The following KRT80 variants were observed in gnomAD, a reference collection of about 807,000 sequenced individuals.
KRT80 encodes keratin 80.
KRT80 carries 36 observed loss-of-function variants against 51.5 expected under a neutral mutation model. The ratio of observed to expected loss-of-function variants is 0.70; its 90% confidence interval spans 0.54 to 0.92. The LOEUF (loss-of-function observed/expected upper bound fraction) is 0.92. Among genes scored for constraint, KRT80 ranks in the 40% least tolerant of loss-of-function variants. The probability of loss-of-function intolerance (pLI) is 0.00; values close to 1 mark genes in which losing one functional copy is unlikely to be tolerated. For missense variants in KRT80, 566 were observed against 591.7 expected (o/e 0.96, Z 0.45); for synonymous variants, 235 against 248.3 (o/e 0.95, Z 0.50).
rs1205591937 is a variant in KRT80, at chr12:52,172,221, C to A, written c.1155G>T (p.Lys385Asn). 6.2e-7 allele frequency: 1 copy of A among 1,613,778 alleles called. No homozygotes were observed. Among genetic ancestry groups the A allele is most frequent in the Non-Finnish European group, 8.5e-7 (1 of 1,180,038 alleles). ...ALDIEIATYRKLVEGEEGRMD... is the reference protein window; with the variant it reads ...ALDIEIATYRNLVEGEEGRMD... ...ACCTGCCCTCCTCGCCCTCCACCAG[C>A]TTCCTGTAGGTGGCGATCTCGATGT... is the stretch of plus-strand genomic sequence containing the variant. The change falls in exon 7 of 9, where the codon AAG (lysine) becomes AAT (asparagine). Residue 385 changes from lysine (K) to asparagine (N), a missense_variant. Transcript: ENST00000394815.
rs562224594 is a variant in KRT80, at chr12:52,184,071, G to A, written c.509+1308C>T. Among the ~76,000 whole-genome samples the A allele has an allele frequency of 2.2e-3, 328 of 152,346 alleles. 1 individual carries two copies. The highest frequency in any genetic ancestry group is 7.2e-3 in the African/African-American group (299 of 41,588). The stretch of plus-strand genomic sequence containing the variant: ...GCCTGGGAGGGCAGGGCTGGGGAGA[G>A]GCGATGGGTAAACTCAGCTACAGCC... On this transcript the variant is annotated intron_variant, in intron 2 of 8. Transcript: ENST00000394815.
At position 52,171,096 on chromosome 12, in the gene KRT80, G is replaced by A. The variant is rs1941088130; in HGVS notation, c.*302C>T. 1 of 237,338 alleles carries A rather than the reference G, an allele frequency of 4.2e-6. No individual in the cohort carries two copies. The highest frequency in any genetic ancestry group is 8.2e-6 in the Non-Finnish European group (1 of 122,476). 14.7% of individuals were successfully genotyped at this position (237,338 alleles called of 1,614,324 possible). On this transcript the variant is annotated 3_prime_UTR_variant, in exon 9 of 9. Coordinates refer to ENST00000394815, the MANE Select transcript of KRT80 (RefSeq NM_182507.3). ...TGGAGGAGGAGCCTCAGAGGAGCGA[G>A]GAGGTGGAGACAAAACTGACCCCTA... is the stretch of plus-strand genomic sequence containing the variant.
rs1461766803 is a variant in KRT80 at position 52,191,505 on chromosome 12, G to A, written c.300+98C>T. On this transcript the variant is annotated intron_variant, in intron 1 of 8. Transcript: ENST00000394815. ...CATCTCCCCATTGGCTGGGTGCAGG[G>A]GTGGGGCGCGGTGATCGATGCTCAG... 15 of 1,214,772 alleles carry A rather than the reference G, an allele frequency of 1.2e-5. No individual in the cohort carries two copies. The East Asian group carries it at 2.4e-4, about 19-fold the overall frequency. 75.2% of individuals were successfully genotyped at this position (1,214,772 alleles called of 1,614,324 possible). A position where few individuals can be genotyped will look rare whatever the true frequency, so the allele number is the denominator to read the frequency against.
At chr12:52,188,722 C>T (rs1361562170) in intron 1 of KRT80, among the ~76,000 whole-genome samples, 1 of 152,234 alleles carries the variant, frequency 6.6e-6, no homozygotes, top group Non-Finnish European at 1.5e-5. Context: ...TACCACTGCT[C>T]ATAGGTTCCC....
At position 52,191,839 on chromosome 12, in the gene KRT80, C is replaced by T. The variant is rs761990914; in HGVS notation, c.64G>A (p.Gly22Ser). The T allele has an allele frequency of 1.3e-5, 20 of 1,575,300 alleles. No individual in the cohort carries two copies. Among genetic ancestry groups the T allele is most frequent in the Admixed American group, 1.8e-5 (1 of 55,520 alleles). Residue 22 changes from glycine to serine, a missense_variant, in exon 1 of 9, where the codon GGC becomes AGC. Gly to Ser is a moderately conservative substitution (Grantham distance 56). Coordinates refer to ENST00000394815, the MANE Select transcript of KRT80 (RefSeq NM_182507.3). ...SLSSCEVTPV[G>S]SPRPGTSGWD... ...CCTGAGGTTCCAGGCCGGGGGCTGC[C>T]CACCGGGGTCACCTCACAGCTGCTG...
rs1437223251 is a variant in KRT80 at position 52,172,262 on chromosome 12, C to T, written c.1114G>A (p.Val372Ile). 18 of 1,613,776 alleles carry T rather than the reference C, an allele frequency of 1.1e-5. No homozygotes were observed. The highest frequency in any genetic ancestry group is 2.2e-5 in the South Asian group (2 of 91,056). ...ATCTCGATGTCCAGGGCCAGCTTGA[C>T]GTTCATCAGCTCCTGGTACTTGCGC... ...QLRKYQELMN[V>I]KLALDIEIAT... Residue 372 changes from valine (V) to isoleucine (I), a missense_variant, in exon 7 of 9, where the codon GTC becomes ATC. Coordinates refer to ENST00000394815, the MANE Select transcript of KRT80 (RefSeq NM_182507.3).
At chr12:52,188,097 T>G (rs1941432187) in intron 1 of KRT80, among the ~76,000 whole-genome samples, 1 of 152,072 alleles carries the variant, frequency 6.6e-6, no homozygotes, top group East Asian at 1.9e-4. Flanking sequence ...GGATGGAAAT[T>G]CATTCCCCAC....
At position 52,191,558 on chromosome 12, in the gene KRT80, A is replaced by C. The variant is rs762363369; in HGVS notation, c.300+45T>G. The C allele has an allele frequency of 2.6e-6, 4 of 1,517,862 alleles. No homozygotes were observed. In the Admixed American group the frequency reaches 6.0e-5, roughly 23 times the overall value. The allele number at this position is 1,517,862 out of a possible 1,614,324, so 94.0% of individuals were successfully genotyped here. A position where few individuals can be genotyped will look rare whatever the true frequency, so the allele number is the denominator to read the frequency against. On this transcript the variant is annotated intron_variant, in intron 1 of 8. Transcript: ENST00000394815. ...AAACACAGAGCTCAGCTACCGGCCC[A>C]GGCCTGGCAGCCCTTCATGTTTGGG... is the stretch of plus-strand genomic sequence containing the variant.
At chr12:52,171,768 C>T in intron 7 of KRT80, 55 bp from the exon 8 acceptor site, 2 of 1,272,372 alleles carry the variant, frequency 1.6e-6, no homozygotes, top group Non-Finnish European at 2.2e-6. Flanking sequence ...GCGAAGAGAG[C>T]CTGTGGCTTA....
intron 4 of KRT80, among the ~76,000 whole-genome samples, chr12:52,176,545 A>G (rs1166598160): frequency 6.7e-6 from 1 of 149,112 alleles, no homozygotes; most frequent in Non-Finnish European, 1.5e-5. Flanking sequence ...GTGGTGGCGC[A>G]ATCTTGGCTC....
rs981443903 is a variant in KRT80, at chr12:52,182,503, T to C, written c.510-1540A>G. Among the ~76,000 whole-genome samples, 24 of 152,174 alleles carry C rather than the reference T, an allele frequency of 1.6e-4. 1 individual carries two copies. Among genetic ancestry groups the C allele is most frequent in the Non-Finnish European group, 2.9e-5 (2 of 68,028 alleles). ...TTCCTGTGTGCCTCAGCCACGATTA[T>C]AGTGATGCTGTGACGATTAAATGGG... On this transcript the variant is annotated intron_variant, in intron 2 of 8. Coordinates refer to ENST00000394815, the MANE Select transcript of KRT80 (RefSeq NM_182507.3).
intron 2 of KRT80, among the ~76,000 whole-genome samples, chr12:52,184,341 G>A (rs1941369569): frequency 6.6e-6 from 1 of 152,158 alleles, no homozygotes; most frequent in African/African-American, 2.4e-5. Context: ...CTCTGCCCCA[G>A]GCTCCTTGTT....
rs1238740629 is a variant in KRT80 at position 52,173,622 on chromosome 12, G to A, written c.809C>T (p.Ala270Val). 1 of 1,612,726 alleles carries A rather than the reference G, an allele frequency of 6.2e-7. No homozygotes were observed. The highest frequency in any genetic ancestry group is 1.7e-5 in the Admixed American group (1 of 60,030). The change falls in exon 5 of 9, where the codon GCC becomes GTC. Residue 270 changes from alanine to valine, a missense_variant. By Grantham distance (64) the Ala-to-Val change is moderately conservative. Transcript: ENST00000394815. The part of the protein sequence containing the change: ...DAVAARSLEE[A>V]EAYSRSQLEE... ...CACCTGGCTCCGAGAGTATGCCTCG[G>A]CCTCCTCCAGGCTGCGAGCCGCGAC...
chr12:52,182,978 G>C (rs10876241), intron 2 of KRT80, among the ~76,000 whole-genome samples: 30,114 of 152,170 alleles, frequency 0.2, 3,577 homozygotes, highest in South Asian at 0.32. Flanking sequence ...CCTTCCTCAC[G>C]GGCTGTTTGA....
chr12:52,171,600 T>C, intron 8 of KRT80, 58 bp downstream of exon 8: 5 of 1,609,624 alleles, frequency 3.1e-6, no homozygotes, highest in African/African-American at 1.3e-5. Context: ...TTTAGGATCA[T>C]GATCCCCTAC....
At chr12:52,181,112 T>A in intron 2 of KRT80, 149 bp from the exon 3 acceptor site, 1 of 552,214 alleles carries the variant, frequency 1.8e-6, no homozygotes, top group Non-Finnish European at 3.1e-6. Context: ...CCCTCTTGCA[T>A]CTTCTATGAC....
Position 52,191,927 on chromosome 12 carries a change from G to A in KRT80, c.-25C>T, listed in dbSNP as rs1171461271. The A allele has an allele frequency of 2.8e-6, 4 of 1,443,478 alleles. No homozygotes were observed. Among genetic ancestry groups the A allele is most frequent in the South Asian group, 1.5e-5 (1 of 68,802 alleles). 89.4% of individuals were successfully genotyped at this position (1,443,478 alleles called of 1,614,324 possible). On this transcript the variant is annotated 5_prime_UTR_variant, in exon 1 of 9. Coordinates refer to ENST00000394815, the MANE Select transcript of KRT80 (RefSeq NM_182507.3). The stretch of plus-strand genomic sequence containing the variant: ...TGGTGCCCCCGGCCGGAAGCAGGAG[G>A]GCCCAGGGGGGTGAGCGAGTGAGCC...
Position 52,191,789 on chromosome 12 carries a change from C to T in KRT80, c.114G>A (p.Gly38=). 1 of 1,610,308 alleles carries T rather than the reference C, an allele frequency of 6.2e-7. No homozygotes were observed. Among genetic ancestry groups the T allele is most frequent in the Non-Finnish European group, 8.5e-7 (1 of 1,178,528 alleles). The change falls in exon 1 of 9, where the codon GGG becomes GGA. Residue 38 remains glycine (G), a synonymous_variant. Transcript: ENST00000394815. Reference sequence around the variant, plus strand: ...TGAGGCTGCGGGAGCTGAAGCCCGGCCCGGGGGCCCTGCAGCTGTCCCATC... The same window carrying T: ...TGAGGCTGCGGGAGCTGAAGCCCGGTCCGGGGGCCCTGCAGCTGTCCCATC... ...TSGWDSCRAP[G]PGFSSRSLTG...
chr12:52,173,642 CGCGACG>C lies in KRT80; in HGVS notation c.783_788del (p.Val262_Ala263del). On this transcript the variant is annotated inframe_deletion, in exon 5 of 9. Transcript: ENST00000394815. ...CCTCGGCCTCCTCCAGGCTGCGAGCCGCGACGGCGTCATACTGGGCCTTCACCTCCT... is the reference window on the plus strand; with the variant it reads ...CCTCGGCCTCCTCCAGGCTGCGAGCCGCGTCATACTGGGCCTTCACCTCCT... 6.2e-7 allele frequency: 1 copy of C among 1,613,112 alleles called. No homozygotes were observed. Among genetic ancestry groups the C allele is most frequent in the Non-Finnish European group, 8.5e-7 (1 of 1,180,030 alleles).
Sources: gnomAD v4.1 joint callset for allele counts (sites outside exome capture counted in the v4.1 genomes callset) on GRCh38, gnomAD v4.1.1 for gene constraint, MANE v1.5 for transcripts, NCBI Gene and HGNC (gene_info 2026-07-23, HGNC 2026-07-21) for gene names.